Variants in FGD6 observed in about 807,000 individuals in gnomAD.
FGD6 encodes FYVE, RhoGEF and PH domain-containing protein 6.
FGD6 carries 90 observed loss-of-function variants against 149.4 expected under a neutral mutation model. That is an observed-to-expected ratio of 0.60 (90% CI 0.51 to 0.72). The LOEUF (loss-of-function observed/expected upper bound fraction) is 0.72, where lower values mean the gene tolerates loss of function less well. FGD6 is among the 30% of genes least tolerant of loss of function. The pLI is 0.00. For synonymous variants in FGD6, 527 were observed against 584.0 expected, an observed-to-expected ratio of 0.90 and a Z score of 1.41; for missense variants, 1,437 against 1,684.8, an observed-to-expected ratio of 0.85 and a Z score of 2.57.
At chr12:95,086,967 C>G (rs1565892019) in intron 18 of FGD6, among the ~76,000 whole-genome samples, 1 of 151,756 alleles carries the variant, frequency 6.6e-6, no homozygotes, top group Non-Finnish European at 1.5e-5. Flanking sequence ...CGTGCCCCAG[C>G]CTCCCGAGTA....
chr12:95,209,077 G>A lies in FGD6; in HGVS notation c.2207C>T (p.Pro736Leu), dbSNP rs768860518. 6.2e-7 allele frequency: 1 copy of A among 1,614,146 alleles called. No homozygotes were observed. Among genetic ancestry groups the A allele is most frequent in the Non-Finnish European group, 8.5e-7 (1 of 1,180,032 alleles). ...MLSRESSSQA[P>L]YKSVTSLCAP... ...ACAGAGGCTTGTAACAGACTTGTAAGGTGCCTGAGATGATGACTCCCGGGA... is the reference window on the plus strand; with the variant it reads ...ACAGAGGCTTGTAACAGACTTGTAAAGTGCCTGAGATGATGACTCCCGGGA... Residue 736 changes from proline to leucine, a missense_variant, in exon 2 of 21, where the codon CCT becomes CTT. Pro to Leu is a moderately conservative substitution (Grantham distance 98). Coordinates refer to ENST00000343958, the MANE Select transcript of FGD6 (RefSeq NM_018351.4).
intron 14 of FGD6, among the ~76,000 whole-genome samples, chr12:95,103,738 T>C (rs1878521887): frequency 6.6e-6 from 1 of 152,200 alleles, no homozygotes; most frequent in Non-Finnish European, 1.5e-5. Flanking sequence ...GGTTTCACCA[T>C]GTTGGCCAGG....
At chr12:95,181,381 C>T (rs1482042895) in intron 2 of FGD6, among the ~76,000 whole-genome samples, 8 of 152,102 alleles carry the variant, frequency 5.3e-5, no homozygotes. Flanking sequence ...AGGAGGAGCC[C>T]CATGGTGACA....
At chr12:95,096,303 A>C (rs753429452) in intron 14 of FGD6, among the ~76,000 whole-genome samples, 1 of 152,162 alleles carries the variant, frequency 6.6e-6, no homozygotes, top group Non-Finnish European at 1.5e-5. Flanking sequence ...CACCTTCCCT[A>C]CAATCATCAT....
rs1329334370 is a variant in FGD6, at chr12:95,217,442, C to A, written c.-202G>T. On this transcript the variant is annotated 5_prime_UTR_variant, in exon 1 of 21. Coordinates refer to ENST00000343958, the MANE Select transcript of FGD6 (RefSeq NM_018351.4). ...CTGCGGCGCTCCCGGGCGCGAGCCGCCGGGGTCGGGCGGGCGAGCACTAGC... is the reference window on the plus strand; with the variant it reads ...CTGCGGCGCTCCCGGGCGCGAGCCGACGGGGTCGGGCGGGCGAGCACTAGC... The A allele has an allele frequency of 3.6e-5, 29 of 805,496 alleles. No individual in the cohort carries two copies. Among genetic ancestry groups the A allele is most frequent in the Non-Finnish European group, 5.0e-5 (28 of 563,984 alleles). The allele number at this position is 805,496 out of a possible 1,614,324, so 49.9% of individuals were successfully genotyped here. A position where few individuals can be genotyped will look rare whatever the true frequency, so the allele number is the denominator to read the frequency against.
chr12:95,209,765 T>C lies in FGD6; in HGVS notation c.1519A>G (p.Thr507Ala), dbSNP rs1222109061. ...GAGGCAGCCTTTTTAAGCACTCCTG[T>C]AGCAGGCAAGCTATGTCTTTGAGGT... Reference protein sequence around the residue: ...KKPQRHSLPATGVLKKAASEE... With the variant: ...KKPQRHSLPAAGVLKKAASEE... The change falls in exon 2 of 21, where the codon ACA becomes GCA. Residue 507 changes from threonine to alanine, a missense_variant. Thr to Ala is a moderately conservative substitution (Grantham distance 58, BLOSUM62 0). Transcript: ENST00000343958. 9.3e-6 allele frequency: 15 copies of C among 1,613,940 alleles called. No individual in the cohort carries two copies. The highest frequency in any genetic ancestry group is 1.1e-5 in the Non-Finnish European group (13 of 1,179,990).
At chr12:95,110,078 A>C (rs1592835769) in intron 9 of FGD6, among the ~76,000 whole-genome samples, 1 of 150,832 alleles carries the variant, frequency 6.6e-6, no homozygotes, top group Non-Finnish European at 1.5e-5. Flanking sequence ...CCGGGTTCAC[A>C]CCATTCTCCT....
intron 2 of FGD6, among the ~76,000 whole-genome samples, chr12:95,179,297 C>T (rs192678067): frequency 1.6e-3 from 238 of 150,856 alleles, no homozygotes; most frequent in African/African-American, 5.5e-3. Flanking sequence ...CCTAGGAGTT[C>T]GAGACCGGCC....
At chr12:95,160,872 C>A (rs1205084435) in intron 3 of FGD6, among the ~76,000 whole-genome samples, 5 of 150,690 alleles carry the variant, frequency 3.3e-5, no homozygotes, top group Admixed American at 3.3e-4. Flanking sequence ...CTCAAAAAAA[C>A]AAAACAAACA....
chr12:95,185,156 G>A (rs529401943), intron 2 of FGD6, among the ~76,000 whole-genome samples: 1 of 152,278 alleles, frequency 6.6e-6, no homozygotes, highest in Admixed American at 6.5e-5. Flanking sequence ...TTATAGGTGT[G>A]AGCACCCGGG....
Position 95,165,963 on chromosome 12 carries a change from GTT to G in FGD6, c.2586+6635_2586+6636del, listed in dbSNP as rs149021127. ...TGCCTGGCTTGTTTTTTCTTTTTCT[GTT>G]TTTTTTTTTTTTTTCAATAGGGTCT... is the stretch of plus-strand genomic sequence containing the variant. On this transcript the variant is annotated intron_variant, in intron 3 of 20. Coordinates refer to ENST00000343958, the MANE Select transcript of FGD6 (RefSeq NM_018351.4). 6.0e-5 allele frequency among the ~76,000 whole-genome samples: 8 copies of G among 132,786 alleles called. No individual in the cohort carries two copies. The South Asian group carries it at 9.6e-4, about 16-fold the overall frequency. The allele number at this position is 132,786 out of a possible 152,430, so 87.1% of individuals were successfully genotyped here.
intron 2 of FGD6, among the ~76,000 whole-genome samples, chr12:95,194,978 T>C (rs947691531): frequency 6.6e-6 from 1 of 152,184 alleles, no homozygotes; most frequent in African/African-American, 2.4e-5. Flanking sequence ...CCTTAATTTC[T>C]ATGCTGTTTT....
At chr12:95,167,464 CT>C (rs1207070838) in intron 3 of FGD6, among the ~76,000 whole-genome samples, 2 of 152,002 alleles carry the variant, frequency 1.3e-5, no homozygotes, top group African/African-American at 4.8e-5. Context: ...CTTTGTATTT[CT>C]TTAACGGCTT....
At chr12:95,117,152 T>C (rs1879041574) in intron 8 of FGD6, among the ~76,000 whole-genome samples, 1 of 152,192 alleles carries the variant, frequency 6.6e-6, no homozygotes, top group Non-Finnish European at 1.5e-5. Context: ...CTATGACCTT[T>C]CTGCTCCTGC....
intron 3 of FGD6, among the ~76,000 whole-genome samples, chr12:95,171,934 T>C (rs1008699745): frequency 6.6e-5 from 10 of 151,722 alleles, no homozygotes; most frequent in African/African-American, 2.4e-4. Context: ...TTAACAGCCA[T>C]CTTTATTCTT....
intron 2 of FGD6, among the ~76,000 whole-genome samples, chr12:95,193,467 C>T (rs761390108): frequency 2.0e-5 from 3 of 151,782 alleles, no homozygotes; most frequent in Non-Finnish European, 4.4e-5. Flanking sequence ...AAGCAATTCT[C>T]CTGCCTCAGC....
At chr12:95,160,206 T>C (rs1880596769) in intron 3 of FGD6, among the ~76,000 whole-genome samples, 1 of 150,410 alleles carries the variant, frequency 6.6e-6, no homozygotes. Flanking sequence ...AAAAAAGAGA[T>C]AAAAGATGTG....
rs1459740392 is a variant in FGD6 at position 95,092,692 on chromosome 12, C to T, written c.3747+7G>A. 7 of 1,613,430 alleles carry T rather than the reference C, an allele frequency of 4.3e-6. No homozygotes were observed. In the East Asian group the frequency reaches 8.9e-5, roughly 21 times the overall value. ...CCACAATGGAGATGGGTGTTATCAT[C>T]GCCAACCTTTCCACAGGCCCGGCAG... On this transcript the variant is annotated splice_region_variant and intron_variant, in intron 16 of 20. Coordinates refer to ENST00000343958, the MANE Select transcript of FGD6 (RefSeq NM_018351.4).
chr12:95,158,996 T>A (rs1395382138), intron 3 of FGD6, among the ~76,000 whole-genome samples: 5 of 152,124 alleles, frequency 3.3e-5, no homozygotes, highest in Non-Finnish European at 7.4e-5. Context: ...TGACATCCCT[T>A]AAAGGTCAAG....
Sources: allele counts gnomAD v4.1 joint callset (sites outside exome capture counted in the v4.1 genomes callset), GRCh38; gene constraint gnomAD v4.1.1; transcripts MANE v1.5; gene names NCBI Gene and HGNC (gene_info 2026-07-23, HGNC 2026-07-21).